Variants in ADK observed in about 807,000 individuals in gnomAD.
ADK encodes the protein adenosine kinase, also known as N6,N6-dimethyladenosine kinase.
A neutral mutation model predicts 44.7 loss-of-function variants in ADK; 24 were observed. That is an observed-to-expected ratio of 0.54 (90% confidence interval 0.39 to 0.76). ADK has a LOEUF of 0.76. ADK is among the 30% of genes least tolerant of loss of function. The probability of loss-of-function intolerance (pLI) is 0.00; values close to 1 mark genes in which losing one functional copy is unlikely to be tolerated. For missense variants in ADK, 321 were observed against 425.1 expected (o/e 0.76, Z 2.15); for synonymous variants, 128 against 142.6 (o/e 0.90, Z 0.73).
At chr10:74,497,226 T>C (rs918669567) in intron 6 of ADK, among the ~76,000 whole-genome samples, 1 of 152,264 alleles carries the variant, frequency 6.6e-6, no homozygotes, top group African/African-American at 2.4e-5. Flanking sequence ...GTAAGGGTGA[T>C]GCTTGAGTGT....
chr10:74,492,568 A>T (rs1428475041), intron 6 of ADK, among the ~76,000 whole-genome samples: 1 of 152,252 alleles, frequency 6.6e-6, no homozygotes, highest in East Asian at 1.9e-4. Context: ...TAAATAACAG[A>T]GGACTTAGCT....
At chr10:74,549,112 C>G (rs1849939026) in intron 7 of ADK, among the ~76,000 whole-genome samples, 1 of 152,098 alleles carries the variant, frequency 6.6e-6, no homozygotes, top group South Asian at 2.1e-4. Context: ...CAATAAATTT[C>G]AATTCAATTA....
At chr10:74,555,046 C>T (rs1461322768) in intron 7 of ADK, among the ~76,000 whole-genome samples, 1 of 151,216 alleles carries the variant, frequency 6.6e-6, no homozygotes, top group Non-Finnish European at 1.5e-5. Context: ...CCTGTAATCC[C>T]ATCACTTTGG....
intron 2 of ADK, among the ~76,000 whole-genome samples, chr10:74,208,719 A>T (rs576323184): frequency 5.9e-5 from 9 of 151,596 alleles, no homozygotes; most frequent in East Asian, 5.8e-4. Flanking sequence ...GTATATATAT[A>T]TTTTTTATTT....
At chr10:74,569,937 A>T (rs1477644407) in intron 7 of ADK, among the ~76,000 whole-genome samples, 1 of 152,062 alleles carries the variant, frequency 6.6e-6, no homozygotes, top group Non-Finnish European at 1.5e-5. Flanking sequence ...ATCCATCTTG[A>T]ATTAATTTTT....
At chr10:74,266,441 C>T (rs1846216488) in intron 3 of ADK, among the ~76,000 whole-genome samples, 1 of 152,202 alleles carries the variant, frequency 6.6e-6, no homozygotes, top group African/African-American at 2.4e-5. Context: ...CCTGTAATCC[C>T]AGCTACTCAG....
At chr10:74,238,632 TG>T (rs1440375167) in intron 3 of ADK, among the ~76,000 whole-genome samples, 5 of 152,190 alleles carry the variant, frequency 3.3e-5, no homozygotes, top group African/African-American at 1.2e-4. Flanking sequence ...GGAAGATTTG[TG>T]TTACCCTCAG....
At chr10:74,364,960 C>T (rs569711303) in intron 4 of ADK, among the ~76,000 whole-genome samples, 2 of 152,170 alleles carry the variant, frequency 1.3e-5, no homozygotes, top group East Asian at 3.9e-4. Context: ...CTCTGTTCTC[C>T]GTACATCCAG....
chr10:74,200,857 A>T lies in ADK; in HGVS notation c.140+19A>T, dbSNP rs1427710946. The stretch of plus-strand genomic sequence containing the variant: ...TTGATAAGTAAGTATTAAACTCTTC[A>T]TATGCACTATGTGGAACTTACATTT... On this transcript the variant is annotated intron_variant, in intron 2 of 10. Coordinates refer to ENST00000539909, the MANE Select transcript of ADK (RefSeq NM_006721.4). 1 of 1,470,240 alleles carries T rather than the reference A, an allele frequency of 6.8e-7. No homozygotes were observed. The highest frequency in any genetic ancestry group is 1.4e-5 in the African/African-American group (1 of 72,258). 91.1% of individuals were successfully genotyped at this position (1,470,240 alleles called of 1,614,324 possible).
At chr10:74,429,667 G>A (rs949639313) in intron 6 of ADK, among the ~76,000 whole-genome samples, 1 of 152,088 alleles carries the variant, frequency 6.6e-6, no homozygotes, top group African/African-American at 2.4e-5. Context: ...AATGTTTATG[G>A]TATACCATAA....
chr10:74,161,369 A>G (rs1200669498), intron 1 of ADK, among the ~76,000 whole-genome samples: 1 of 151,528 alleles, frequency 6.6e-6, no homozygotes, highest in Non-Finnish European at 1.5e-5. Flanking sequence ...ACCTGGCTAA[A>G]TTTGTGTATG....
chr10:74,670,121 G>A (rs1855114847), intron 9 of ADK, 62 bp from the exon 10 acceptor site: 2 of 1,273,782 alleles, frequency 1.6e-6, no homozygotes, highest in African/African-American at 1.5e-5. Flanking sequence ...ATGTTACTGG[G>A]TGAGCTTGTA....
intron 10 of ADK, among the ~76,000 whole-genome samples, chr10:74,694,441 TATC>T (rs146061572): frequency 0.017 from 2,632 of 151,826 alleles, 68 homozygotes; most frequent in African/African-American, 0.061. Context: ...TCTTTAAAGG[TATC>T]ATATGCAAAA....
intron 6 of ADK, among the ~76,000 whole-genome samples, chr10:74,428,397 T>A (rs1217769328): frequency 6.6e-6 from 1 of 152,212 alleles, no homozygotes; most frequent in East Asian, 1.9e-4. Flanking sequence ...TAAGATAAGT[T>A]GTTTGTTAAG....
At chr10:74,442,124 TA>T (rs1290276352) in intron 6 of ADK, among the ~76,000 whole-genome samples, 2 of 151,358 alleles carry the variant, frequency 1.3e-5, no homozygotes, top group Non-Finnish European at 2.9e-5. Context: ...CCTATCTCTT[TA>T]AAAAAAGAAA....
chr10:74,302,090 G>GTT (rs68179517), intron 3 of ADK, among the ~76,000 whole-genome samples: 4 of 17,024 alleles, frequency 2.3e-4, no homozygotes, highest in African/African-American at 2.6e-4. Context: ...TTTCTTTTCT[G>GTT]TTTTTTTTTT....
Position 74,427,771 on chromosome 10 carries a change from A to G in ADK, c.555+29192A>G, listed in dbSNP as rs149701364. Reference sequence around the variant, plus strand: ...TGTGTGTGTGTGAAGAGACATTCATATATTTCTTAGCTCTATTGCTGAAAG... The same window carrying G: ...TGTGTGTGTGTGAAGAGACATTCATGTATTTCTTAGCTCTATTGCTGAAAG... On this transcript the variant is annotated intron_variant, in intron 6 of 10. Coordinates refer to ENST00000539909, the MANE Select transcript of ADK (RefSeq NM_006721.4). Among the ~76,000 whole-genome samples, 31 of 152,128 alleles carry G rather than the reference A, an allele frequency of 2.0e-4. 1 individual carries two copies. In the East Asian group the frequency reaches 6.0e-3, roughly 29 times the overall value.
At chr10:74,283,110 A>C (rs978231349) in intron 3 of ADK, among the ~76,000 whole-genome samples, 49 of 152,106 alleles carry the variant, frequency 3.2e-4, no homozygotes, top group African/African-American at 1.2e-3. Flanking sequence ...TTCTTTGAAA[A>C]TTTTGGTACC....
At chr10:74,445,524 G>C (rs1430816109) in intron 6 of ADK, among the ~76,000 whole-genome samples, 1 of 151,518 alleles carries the variant, frequency 6.6e-6, no homozygotes, top group Non-Finnish European at 1.5e-5. Context: ...TACTTTTTAA[G>C]TGCCTTTAAG....
Sources: gnomAD v4.1 joint callset for allele counts (sites outside exome capture counted in the v4.1 genomes callset) on GRCh38, gnomAD v4.1.1 for gene constraint, MANE v1.5 for transcripts, NCBI Gene and HGNC (gene_info 2026-07-23, HGNC 2026-07-21) for gene names.